The following CLPTM1 variants were observed in gnomAD, a reference collection of about 807,000 sequenced individuals.
The protein encoded by CLPTM1 is CLPTM1 regulator of GABA type A receptor forward trafficking.
Under a neutral mutation model 77.3 loss-of-function variants are expected in CLPTM1, and 21 were observed. That is an observed-to-expected ratio of 0.27 (90% CI 0.19 to 0.39). The LOEUF is 0.39. Ranked by LOEUF, CLPTM1 falls within the 10% of genes least tolerant of loss-of-function variation. The pLI is 1.00. For missense variants in CLPTM1, 642 were observed against 921.2 expected (o/e 0.70, Z 3.92); for synonymous variants, 373 against 381.0 (o/e 0.98, Z 0.24).
intron 1 of CLPTM1, 29 bp from the exon 2 acceptor site, chr19:44,961,934 C>T: frequency 6.6e-7 from 1 of 1,503,916 alleles, no homozygotes; most frequent in Non-Finnish European, 9.0e-7. Context: ...TCCATTCTCC[C>T]TCCTTACCCT....
At chr19:44,955,211 G>T (rs1171986764), upstream of CLPTM1, 4 of 1,526,952 alleles carry the variant, frequency 2.6e-6, no homozygotes, top group East Asian at 9.8e-5. Context: ...GGAGAAAGAC[G>T]AGTACGGTGG....
chr19:44,968,922 C>T (rs1369641522), intron 2 of CLPTM1, among the ~76,000 whole-genome samples: 2 of 152,132 alleles, frequency 1.3e-5, no homozygotes, highest in Non-Finnish European at 1.5e-5. Context: ...TCAGCTGGAC[C>T]GTGGCCCCTA....
At chr19:44,966,621 G>T (rs1260003560) in intron 2 of CLPTM1, among the ~76,000 whole-genome samples, 1 of 151,416 alleles carries the variant, frequency 6.6e-6, no homozygotes, top group Non-Finnish European at 1.5e-5. Context: ...CTGTGGCCTG[G>T]TCAGGTTATC....
At chr19:44,958,105 A>G (rs1970490917) in intron 1 of CLPTM1, among the ~76,000 whole-genome samples, 1 of 152,188 alleles carries the variant, frequency 6.6e-6, no homozygotes, top group Non-Finnish European at 1.5e-5. Context: ...AGGGTAGTCT[A>G]GAAGGCCTCT....
intron 5 of CLPTM1, among the ~76,000 whole-genome samples, chr19:44,981,152 A>AT (rs542751903): frequency 0.029 from 3,934 of 136,138 alleles, 55 homozygotes; most frequent in Non-Finnish European, 0.032. Context: ...ATTTTATTTT[A>AT]TTTTTTTTTG....
intron 2 of CLPTM1, among the ~76,000 whole-genome samples, chr19:44,966,269 G>T (rs886301389): frequency 1.3e-5 from 2 of 152,146 alleles, no homozygotes; most frequent in Admixed American, 1.3e-4. Flanking sequence ...AAATTAGCCG[G>T]GCATGGTGGC....
At chr19:44,963,544 C>T (rs1332551586) in intron 2 of CLPTM1, among the ~76,000 whole-genome samples, 1 of 151,842 alleles carries the variant, frequency 6.6e-6, no homozygotes. Flanking sequence ...CCAGGATGGT[C>T]TCTATCTCCT....
In CLPTM1 at chr19:44,957,851, C is replaced by T. The variant is rs1334705320; in HGVS notation, c.72+2384C>T. 2.0e-5 allele frequency among the ~76,000 whole-genome samples: 3 copies of T among 152,214 alleles called. No homozygotes were observed. In the East Asian group the frequency reaches 5.8e-4, roughly 29 times the overall value. ...TCAGCGAATGCGAATTGAGTCTACT[C>T]CATGCTAGGCCTTTGCTGATGCTGG... is the stretch of plus-strand genomic sequence containing the variant. On this transcript the variant is annotated intron_variant, in intron 1 of 13. Transcript: ENST00000337392.
chr19:44,965,122 G>A (rs962988809), intron 2 of CLPTM1, among the ~76,000 whole-genome samples: 4 of 151,766 alleles, frequency 2.6e-5, no homozygotes, highest in Non-Finnish European at 4.4e-5. Context: ...ATGTATTTTA[G>A]CAAAATAAGA....
Position 44,990,488 on chromosome 19 carries a change from A to G in CLPTM1, c.1226A>G (p.Tyr409Cys). The change falls in exon 10 of 14, where the codon TAC (tyrosine) becomes TGC (cysteine). Residue 409 changes from tyrosine to cysteine, a missense_variant. By Grantham distance (194) the Tyr-to-Cys change is radical. This residue lies in a region of CLPTM1 where 521 missense variants were observed against 800.4 expected (regional missense o/e 0.65). Transcript: ENST00000337392. The surrounding 1 kb of genome is among the most constrained non-coding windows in gnomAD (Gnocchi z 4.8). The part of the protein sequence containing the change: ...GVFQSFVVLL[Y>C]ILDNETNFVV... The stretch of plus-strand genomic sequence containing the variant: ...TTCCAGTCATTCGTGGTCCTCCTCT[A>G]CATCCTGGACAACGAGACCAACTTC... 6.2e-7 allele frequency: 1 copy of G among 1,614,062 alleles called. No homozygotes were observed. Among genetic ancestry groups the G allele is most frequent in the Non-Finnish European group, 8.5e-7 (1 of 1,179,962 alleles).
In CLPTM1 at chr19:44,992,218, G is replaced by A. The variant is rs1490918139; in HGVS notation, c.1556-15G>A. Reference sequence around the variant, plus strand: ...GGAGAGGCCATCCCTCTGCTCATGGGTGCTCTCACTGCAGGCTTCATCACC... The same window carrying A: ...GGAGAGGCCATCCCTCTGCTCATGGATGCTCTCACTGCAGGCTTCATCACC... On this transcript the variant is annotated splice_polypyrimidine_tract_variant and intron_variant, in intron 12 of 13. Coordinates refer to ENST00000337392, the MANE Select transcript of CLPTM1 (RefSeq NM_001294.4). The surrounding 1 kb of genome is among the most constrained non-coding windows in gnomAD (Gnocchi z 7.7). The A allele has an allele frequency of 6.2e-7, 1 of 1,613,778 alleles. No individual in the cohort carries two copies. The highest frequency in any genetic ancestry group is 1.7e-5 in the Admixed American group (1 of 59,996).
At chr19:44,989,768 G>T (rs757677039) in intron 9 of CLPTM1, among the ~76,000 whole-genome samples, 1 of 152,294 alleles carries the variant, frequency 6.6e-6, no homozygotes, top group East Asian at 1.9e-4. Flanking sequence ...CAAGAGAGGG[G>T]TGTCCGTGGT....
chr19:44,991,396 G>C lies in CLPTM1; in HGVS notation c.1555+23G>C. 6.2e-7 allele frequency: 1 copy of C among 1,606,446 alleles called. No individual in the cohort carries two copies. The highest frequency in any genetic ancestry group is 1.1e-5 in the South Asian group (1 of 91,028). Reference sequence around the variant, plus strand: ...TCGGTGAGCGGTCCGGCCGCCCCAGGAGAGAGCAGGCCCCATGCTGCGCAG... The same window carrying C: ...TCGGTGAGCGGTCCGGCCGCCCCAGCAGAGAGCAGGCCCCATGCTGCGCAG... On this transcript the variant is annotated intron_variant, in intron 12 of 13. Transcript: ENST00000337392. The surrounding 1 kb of genome is among the most constrained non-coding windows in gnomAD (Gnocchi z 5.4).
In CLPTM1 at chr19:44,962,085, C is replaced by T. The variant is rs749013405; in HGVS notation, c.185+10C>T. 1.4e-5 allele frequency: 22 copies of T among 1,536,272 alleles called. No homozygotes were observed. In the Admixed American group the frequency reaches 2.1e-4, roughly 15 times the overall value. ...AAGGTGTGCTGTTTAGGTGAGCAGA[C>T]GGGACTTGGGTTTGTTCACCGAAAA... On this transcript the variant is annotated intron_variant, in intron 2 of 13. Coordinates refer to ENST00000337392, the MANE Select transcript of CLPTM1 (RefSeq NM_001294.4).
chr19:44,955,364 T>TGGGGGGGGGGGG, upstream of CLPTM1: 2 of 454,536 alleles, frequency 4.4e-6, no homozygotes, highest in Non-Finnish European at 5.7e-6. Context: ...GGGGCGGGGC[T>TGGGGGGGGGGGG]GGCGGCGGGG....
At chr19:44,980,508 C>CAAAAAAAAAAA (rs74516090) in intron 5 of CLPTM1, among the ~76,000 whole-genome samples, 1 of 93,094 alleles carries the variant, frequency 1.1e-5, no homozygotes, top group Non-Finnish European at 2.2e-5. Context: ...GACTCCATCT[C>CAAAAAAAAAAA]AAAAAAAAAA....
chr19:44,983,921 C>T (rs204474), intron 5 of CLPTM1, among the ~76,000 whole-genome samples: 80,181 of 151,992 alleles, frequency 0.53, 22,600 homozygotes, highest in Non-Finnish European at 0.64. Context: ...GAGATTGTGC[C>T]ACTGCACTCC....
chr19:44,954,727 T>G (rs1307683455), upstream of CLPTM1: 42 of 1,236,332 alleles, frequency 3.4e-5, no homozygotes, highest in Non-Finnish European at 4.2e-5. Flanking sequence ...GGAACGCGCA[T>G]GCGTGCTAGG....
At chr19:44,970,435 T>G (rs1970700067) in intron 2 of CLPTM1, among the ~76,000 whole-genome samples, 1 of 142,320 alleles carries the variant, frequency 7.0e-6, no homozygotes, top group Non-Finnish European at 1.5e-5. Flanking sequence ...GGTCTCACTC[T>G]GTTGCCCAGG....
Sources: gnomAD v4.1 joint callset for allele counts (sites outside exome capture counted in the v4.1 genomes callset) on GRCh38, gnomAD v4.1.1 for gene constraint, gnomAD v4.1.1 regional missense constraint, Gnocchi (gnomAD v3.1) non-coding constraint, MANE v1.5 for transcripts, NCBI Gene and HGNC (gene_info 2026-07-23, HGNC 2026-07-21) for gene names.